Variants in FGF14 observed in about 807,000 individuals in gnomAD.
The protein encoded by FGF14 is fibroblast growth factor homologous factor 4.
Under a neutral mutation model 25.5 loss-of-function variants are expected in FGF14, and 5 were observed. The observed-to-expected ratio is 0.20, with a 90% confidence interval of 0.10 to 0.41. The LOEUF (loss-of-function observed/expected upper bound fraction) is 0.41. Among genes scored for constraint, FGF14 ranks in the 10% least tolerant of loss-of-function variants. FGF14 has a pLI of 1.00. For missense variants in FGF14, 222 were observed against 320.1 expected (o/e 0.69, Z 2.34); for synonymous variants, 138 against 118.3 (o/e 1.17, Z -1.08).
chr13:102,385,706 T>A (rs1191701011), intron 1 of FGF14, among the ~76,000 whole-genome samples: 2 of 152,196 alleles, frequency 1.3e-5, no homozygotes, highest in Non-Finnish European at 1.5e-5. Context: ...CAATCCTTTC[T>A]GAGTAGCTCT....
intron 1 of FGF14, among the ~76,000 whole-genome samples, chr13:102,201,692 G>C (rs2049659315): frequency 6.6e-6 from 1 of 152,232 alleles, no homozygotes; most frequent in South Asian, 2.1e-4. Context: ...ATAGCAGAGG[G>C]AAATGTTTGG....
rs1258176386 is a variant in FGF14, at chr13:102,326,738, GGAAGGAAGGAAGGAAA to G, written c.208+74717_208+74732del. Among the ~76,000 whole-genome samples, 335 of 96,206 alleles carry G rather than the reference GGAAGGAAGGAAGGAAA, an allele frequency of 3.5e-3. 14 individuals are homozygous for G. The highest frequency in any genetic ancestry group is 0.013 in the African/African-American group (316 of 24,462). The allele number at this position is 96,206 out of a possible 152,430, so 63.1% of individuals were successfully genotyped here. ...AGGAAGGAAGGAAGGAAGGAAGGAA[GGAAGGAAGGAAGGAAA>G]GAGGGAGGGAAGGAAGGAAGAAAAA... On this transcript the variant is annotated intron_variant, in intron 1 of 4. Coordinates refer to the FGF14 transcript ENST00000376131.
At chr13:102,086,035 A>G (rs946119702) in intron 1 of FGF14, among the ~76,000 whole-genome samples, 1 of 152,238 alleles carries the variant, frequency 6.6e-6, no homozygotes, top group Non-Finnish European at 1.5e-5. Flanking sequence ...AGAGCAAGCA[A>G]AAGGGCAGGC....
At chr13:101,758,900 C>A (rs1254809481) in intron 3 of FGF14, among the ~76,000 whole-genome samples, 1 of 152,120 alleles carries the variant, frequency 6.6e-6, no homozygotes, top group Admixed American at 6.6e-5. Context: ...TTCCAACATG[C>A]TTTGAGACAA....
Position 102,158,955 on chromosome 13 carries a change from A to G in FGF14, c.208+242516T>C, listed in dbSNP as rs546057298. ...GGAGTTCGAGACCAGCCTGACCAAC[A>G]TGGTGAAACACCGTCTCTACTAAAA... On this transcript the variant is annotated intron_variant, in intron 1 of 4. Coordinates refer to the FGF14 transcript ENST00000376131. 1.5e-4 allele frequency among the ~76,000 whole-genome samples: 23 copies of G among 151,978 alleles called. 1 individual carries two copies. The South Asian group carries it at 3.5e-3, about 23-fold the overall frequency.
Position 101,794,585 on chromosome 13 carries a change from T to A in FGF14, c.409-67775A>T, listed in dbSNP as rs2040417541. Reference sequence around the variant, plus strand: ...CTTGAAATTTTTTTCCTGTTTCTCATCTTTGAGTCCCTTGGGGATTTAGTG... The same window carrying A: ...CTTGAAATTTTTTTCCTGTTTCTCAACTTTGAGTCCCTTGGGGATTTAGTG... On this transcript the variant is annotated intron_variant, in intron 3 of 4. Coordinates refer to ENST00000376143, the MANE Select transcript of FGF14 (RefSeq NM_004115.4). 2.0e-5 allele frequency among the ~76,000 whole-genome samples: 3 copies of A among 152,108 alleles called. No individual in the cohort carries two copies. The South Asian group carries it at 6.2e-4, about 32-fold the overall frequency.
intron 1 of FGF14, among the ~76,000 whole-genome samples, chr13:102,276,361 A>G (rs777856667): frequency 0.21 from 26,727 of 126,388 alleles, 3,062 homozygotes; most frequent in African/African-American, 0.28. Flanking sequence ...GTGTATATAT[A>G]TATATATATA....
At chr13:101,993,831 T>A (rs1566545725) in intron 1 of FGF14, among the ~76,000 whole-genome samples, 1 of 151,928 alleles carries the variant, frequency 6.6e-6, no homozygotes, top group Non-Finnish European at 1.5e-5. Flanking sequence ...TGTGACGAGT[T>A]AATGGGTGCA....
chr13:102,366,444 C>T (rs1362410395), intron 1 of FGF14: 1 of 152,062 alleles, frequency 6.6e-6, no homozygotes, highest in African/African-American at 2.4e-5. Flanking sequence ...AGATTACTCA[C>T]ATAAAATGCT....
Position 102,167,144 on chromosome 13 carries a change from T to C in FGF14, c.208+234327A>G, listed in dbSNP as rs1465856001. On this transcript the variant is annotated intron_variant, in intron 1 of 4. Coordinates refer to the FGF14 transcript ENST00000376131. ...GGTGAAACCCAATCTCTACTAAAAATACAAGGCTTTCACAAACTAAAAAAT... is the reference window on the plus strand; with the variant it reads ...GGTGAAACCCAATCTCTACTAAAAACACAAGGCTTTCACAAACTAAAAAAT... 6.6e-5 allele frequency among the ~76,000 whole-genome samples: 10 copies of C among 151,690 alleles called. 1 individual carries two copies. The highest frequency in any genetic ancestry group is 6.6e-5 in the Admixed American group (1 of 15,236).
At chr13:102,203,588 T>G (rs914448391) in intron 1 of FGF14, among the ~76,000 whole-genome samples, 8 of 152,204 alleles carry the variant, frequency 5.3e-5, no homozygotes, top group African/African-American at 7.2e-5. Flanking sequence ...TTAGTGAAAT[T>G]TAATTATGTT....
intron 1 of FGF14, among the ~76,000 whole-genome samples, chr13:102,035,684 C>A (rs1017256691): frequency 6.6e-6 from 1 of 152,150 alleles, no homozygotes; most frequent in African/African-American, 2.4e-5. Context: ...GTAATAACAT[C>A]TTAATAACTT....
At chr13:102,234,802 C>A (rs541666296) in intron 1 of FGF14, among the ~76,000 whole-genome samples, 2 of 152,050 alleles carry the variant, frequency 1.3e-5, no homozygotes, top group African/African-American at 4.8e-5. Flanking sequence ...ATCTCCCCAG[C>A]GATGTGTATG....
chr13:102,280,595 G>C (rs2053779418), intron 1 of FGF14, among the ~76,000 whole-genome samples: 1 of 152,202 alleles, frequency 6.6e-6, no homozygotes, highest in South Asian at 2.1e-4. Context: ...GACAGCAGCT[G>C]AATGAGTGTT....
chr13:101,788,907 TATAGAGAGAG>T (rs57892276), intron 3 of FGF14, among the ~76,000 whole-genome samples: 124 of 32,332 alleles, frequency 3.8e-3, no homozygotes, highest in African/African-American at 0.011. Context: ...TATATATATA[TATAGAGAGAG>T]AGAGAGAGAG....
chr13:102,095,714 G>A (rs1295681866), intron 1 of FGF14, among the ~76,000 whole-genome samples: 1 of 152,060 alleles, frequency 6.6e-6, no homozygotes, highest in Non-Finnish European at 1.5e-5. Flanking sequence ...TTAATGAAGA[G>A]CAAGTATGTT....
intron 1 of FGF14, among the ~76,000 whole-genome samples, chr13:102,313,625 C>G (rs907339680): frequency 2.6e-5 from 4 of 152,040 alleles, no homozygotes; most frequent in Non-Finnish European, 4.4e-5. Context: ...GGTAAGAGCT[C>G]AAAACAGTTC....
chr13:101,959,049 C>G (rs951328084), intron 1 of FGF14, among the ~76,000 whole-genome samples: 2 of 152,204 alleles, frequency 1.3e-5, no homozygotes. Context: ...AACCTTCAAT[C>G]TTCTAATGCA....
In FGF14 at chr13:101,714,116, C is replaced by A. The variant is rs141255953; in HGVS notation, c.*8715G>T. ...ATGATTCAATTTAGGAGGAAAAAAT[C>A]TATTTTTGAATACTTTTTTGGAAGA... is the stretch of plus-strand genomic sequence containing the variant. On this transcript the variant is annotated 3_prime_UTR_variant, in exon 5 of 5. Coordinates refer to ENST00000376143, the MANE Select transcript of FGF14 (RefSeq NM_004115.4). The A allele has an allele frequency of 8.9e-6, 2 of 224,402 alleles. No homozygotes were observed. The highest frequency in any genetic ancestry group is 2.3e-5 in the African/African-American group (1 of 44,284). 13.9% of individuals were successfully genotyped at this position (224,402 alleles called of 1,614,324 possible).
Sources: gnomAD v4.1 joint callset for allele counts (sites outside exome capture counted in the v4.1 genomes callset) on GRCh38, gnomAD v4.1.1 for gene constraint, MANE v1.5 for transcripts, NCBI Gene and HGNC (gene_info 2026-07-23, HGNC 2026-07-21) for gene names.